PARP4: variants seen among roughly 807,000 people sequenced by gnomAD.
PARP4 encodes the protein poly(ADP-ribose) polymerase family member 4, also known as protein mono-ADP-ribosyltransferase PARP4.
PARP4 carries 120 observed loss-of-function variants against 187.7 expected under a neutral mutation model. The observed-to-expected ratio is 0.64, with a 90% CI of 0.55 to 0.74. The LOEUF (loss-of-function observed/expected upper bound fraction) is 0.74, where lower values mean the gene tolerates loss of function less well. PARP4 is among the 30% of genes least tolerant of loss of function. The probability of loss-of-function intolerance (pLI) is 0.00; values close to 1 mark genes in which losing one functional copy is unlikely to be tolerated. For synonymous variants in PARP4, 654 were observed against 740.9 expected (o/e 0.88, Z 1.90); for missense variants, 1,836 against 2,070.5 (o/e 0.89, Z 2.20).
chr13:24,471,311 C>T lies in PARP4; in HGVS notation c.1915-1286G>A, dbSNP rs543494884. Among the ~76,000 whole-genome samples the T allele has an allele frequency of 1.1e-4, 17 of 152,318 alleles. 1 individual carries two copies. Among genetic ancestry groups the T allele is most frequent in the African/African-American group, 4.1e-4 (17 of 41,564 alleles). On this transcript the variant is annotated intron_variant, in intron 15 of 33. Transcript: ENST00000381989. ...CTACTCAGTAGCCTTCCTGCCTGTT[C>T]TAGTTAGCAGGCCCGCCTTTGCGCA...
In PARP4 at chr13:24,498,037, T is replaced by C. The variant is rs952122821; in HGVS notation, c.591+79A>G. The C allele has an allele frequency of 1.2e-5, 11 of 941,368 alleles. No individual in the cohort carries two copies. In the African/African-American group the frequency reaches 1.8e-4, roughly 15 times the overall value. 58.3% of individuals were successfully genotyped at this position (941,368 alleles called of 1,614,324 possible). Reference sequence around the variant, plus strand: ...AGACAACAGGTAAGAAGAAAAAGGTTGGGAGGTCGGCTGATTCATTGAAAT... The same window carrying C: ...AGACAACAGGTAAGAAGAAAAAGGTCGGGAGGTCGGCTGATTCATTGAAAT... On this transcript the variant is annotated intron_variant, in intron 6 of 33. Transcript: ENST00000381989.
intron 8 of PARP4, 116 bp downstream of exon 8, chr13:24,493,480 T>C: frequency 1.1e-6 from 1 of 952,002 alleles, no homozygotes; most frequent in Non-Finnish European, 1.5e-6. Context: ...GGAAAGAACA[T>C]TTAGGAATGA....
At chr13:24,509,515 A>G (rs534826164) in intron 1 of PARP4, among the ~76,000 whole-genome samples, 25 of 151,448 alleles carry the variant, frequency 1.7e-4, no homozygotes, top group African/African-American at 5.3e-4. Flanking sequence ...AAAAAAAAAA[A>G]AGAGAGAAAA....
chr13:24,469,705 C>T (rs1439111394), intron 16 of PARP4, among the ~76,000 whole-genome samples, 189 bp downstream of exon 16: 1 of 152,174 alleles, frequency 6.6e-6, no homozygotes, highest in Non-Finnish European at 1.5e-5. Context: ...GGGGTAGAAA[C>T]CCTTCATCAC....
chr13:24,480,205 G>T (rs1206641480), intron 12 of PARP4, among the ~76,000 whole-genome samples: 1 of 152,202 alleles, frequency 6.6e-6, no homozygotes, highest in Non-Finnish European at 1.5e-5. Context: ...CAATTGTTTT[G>T]GGCTGCAACA....
intron 10 of PARP4, among the ~76,000 whole-genome samples, chr13:24,487,115 C>A (rs113924420): frequency 2.0e-5 from 3 of 151,416 alleles, no homozygotes; most frequent in Non-Finnish European, 2.9e-5. Context: ...CAAAAATTAG[C>A]AGGGCATGGT....
In PARP4 at chr13:24,460,105, G is replaced by A; in HGVS notation, c.2165C>T (p.Pro722Leu). The A allele has an allele frequency of 6.2e-7, 1 of 1,613,220 alleles. No individual in the cohort carries two copies. Among genetic ancestry groups the A allele is most frequent in the Non-Finnish European group, 8.5e-7 (1 of 1,179,682 alleles). Residue 722 changes from proline to leucine, a missense_variant, in exon 18 of 34, where the codon CCC becomes CTC. This residue lies in a region of PARP4 where 1,147 missense variants were observed against 1,214.2 expected (regional missense o/e 0.94). Transcript: ENST00000381989. ...TTTTATAAGAACCTTAGCCTTAGGGGGTAAGTTTCCAACACTTACAGTAAA... is the reference window on the plus strand; with the variant it reads ...TTTTATAAGAACCTTAGCCTTAGGGAGTAAGTTTCCAACACTTACAGTAAA... ...DVFTVSVGNL[P>L]PKAKVLIKIT... is the part of the protein sequence containing the mutation.
Position 24,434,904 on chromosome 13 carries a change from G to C in PARP4, c.4237C>G (p.Pro1413Ala). ...GSSLSSAQSA[P>A]LQHPGGFTTR... ...GTAAAGCCTCCAGGATGTTGCAGTG[G>C]AGCAGACTGTGCAGAGCTTAATGAG... Residue 1413 changes from proline to alanine, a missense_variant, in exon 31 of 34, where the codon CCA becomes GCA. Physicochemically the swap from Pro to Ala is conservative, Grantham distance 27. Around this residue, in one of 8 missense-constraint regions of PARP4, gnomAD observed 450 missense variants for 439.2 expected, o/e 1.02. Transcript: ENST00000381989. 7 of 1,614,154 alleles carry C rather than the reference G, an allele frequency of 4.3e-6. No individual in the cohort carries two copies. Among genetic ancestry groups the C allele is most frequent in the Non-Finnish European group, 5.9e-6 (7 of 1,180,038 alleles).
chr13:24,479,938 C>G (rs7993127), intron 12 of PARP4, among the ~76,000 whole-genome samples: 1 of 151,788 alleles, frequency 6.6e-6, no homozygotes, highest in African/African-American at 2.4e-5. Flanking sequence ...ACGAGCCCAC[C>G]GGGAGGAACG....
intron 33 of PARP4, among the ~76,000 whole-genome samples, chr13:24,423,479 C>G (rs894684337): frequency 6.6e-6 from 1 of 151,202 alleles, no homozygotes; most frequent in Non-Finnish European, 1.5e-5. Context: ...TGCAGTGAGC[C>G]GAGATCGTGC....
chr13:24,471,765 TCC>T (rs1872737408), intron 15 of PARP4, among the ~76,000 whole-genome samples: 1 of 152,170 alleles, frequency 6.6e-6, no homozygotes, highest in Non-Finnish European at 1.5e-5. Context: ...AGTCATCTAA[TCC>T]CAAGTAAGGC....
intron 5 of PARP4, among the ~76,000 whole-genome samples, chr13:24,498,551 A>G (rs1214616898): frequency 6.6e-6 from 1 of 152,160 alleles, no homozygotes; most frequent in African/African-American, 2.4e-5. Context: ...ACATATCTCA[A>G]AATACAAATG....
chr13:24,484,554 A>T (rs1331876152), intron 12 of PARP4, 99 bp downstream of exon 12: 2 of 769,808 alleles, frequency 2.6e-6, no homozygotes, highest in African/African-American at 3.4e-5. Context: ...TAATAGATAA[A>T]TCTGTGTTTT....
intron 22 of PARP4, among the ~76,000 whole-genome samples, chr13:24,454,019 GC>G (rs1447508924): frequency 1.3e-5 from 2 of 151,610 alleles, no homozygotes; most frequent in Admixed American, 1.3e-4. Context: ...GGAGGCTAAG[GC>G]CGGGAGGCAG....
chr13:24,485,632 T>C (rs879944079), intron 11 of PARP4, among the ~76,000 whole-genome samples: 3 of 152,204 alleles, frequency 2.0e-5, no homozygotes, highest in Non-Finnish European at 2.9e-5. Context: ...TATTAAGTAG[T>C]AATTCAAAGC....
At chr13:24,461,467 A>G (rs1287268824) in intron 17 of PARP4, among the ~76,000 whole-genome samples, 1 of 152,172 alleles carries the variant, frequency 6.6e-6, no homozygotes, top group Non-Finnish European at 1.5e-5. Context: ...TGAACTCATC[A>G]ACCAAGCGAA....
rs750481106 is a variant in PARP4, at chr13:24,456,347, T to C, written c.2556A>G (p.Glu852=). The C allele has an allele frequency of 6.2e-7, 1 of 1,607,432 alleles. No individual in the cohort carries two copies. The highest frequency in any genetic ancestry group is 8.5e-7 in the Non-Finnish European group (1 of 1,175,180). The change falls in exon 21 of 34, where the codon GAA becomes GAG. Residue 852 remains glutamate, a synonymous_variant. Transcript: ENST00000381989. ...RMWVEKHPEK[E]SEACMLVFQP... The stretch of plus-strand genomic sequence containing the variant: ...TAAGTAAAAAGGAGTATACCTCGCT[T>C]TCTTTTTCTGGATGTTTTTCAACCC...
At chr13:24,428,415 T>G (rs1420661142) in intron 32 of PARP4, among the ~76,000 whole-genome samples, 1 of 152,240 alleles carries the variant, frequency 6.6e-6, no homozygotes, top group Non-Finnish European at 1.5e-5. Flanking sequence ...CTTTAAATAC[T>G]ACTAACGTTG....
chr13:24,481,630 T>C (rs1269518936), intron 12 of PARP4, among the ~76,000 whole-genome samples: 2 of 152,072 alleles, frequency 1.3e-5, no homozygotes, highest in Admixed American at 6.6e-5. Flanking sequence ...GAGGCGGAGG[T>C]TGCAGTGAGC....
Sources: gnomAD v4.1 joint callset for allele counts (sites outside exome capture counted in the v4.1 genomes callset) on GRCh38, gnomAD v4.1.1 for gene constraint, gnomAD v4.1.1 regional missense constraint, MANE v1.5 for transcripts, NCBI Gene and HGNC (gene_info 2026-07-23, HGNC 2026-07-21) for gene names.